REG1B: variants seen among roughly 807,000 people sequenced by gnomAD.
The protein encoded by REG1B is regenerating family member 1 beta, also known as lithostathine-1-beta.
REG1B carries 21 observed loss-of-function variants against 20.4 expected under a neutral mutation model. That is an observed-to-expected ratio of 1.03 (90% CI 0.73 to 1.48). REG1B has a LOEUF of 1.48. Among genes scored for constraint, REG1B ranks in the 40% most tolerant of loss-of-function variants. The probability of loss-of-function intolerance (pLI) is 0.00; values close to 1 mark genes in which losing one functional copy is unlikely to be tolerated. For missense variants in REG1B, 247 were observed against 197.2 expected (o/e 1.25, Z -1.51); for synonymous variants, 82 against 73.4 (o/e 1.12, Z -0.60).
In REG1B at chr2:79,087,536, G is replaced by A. The variant is rs1012338962; in HGVS notation, c.64+13C>T. ...AGAGTTGGGGTTGTGGGAAGTGTGG[G>A]GGAAAATCTCACCTTGGCTCAGAGA... is the stretch of plus-strand genomic sequence containing the variant. On this transcript the variant is annotated intron_variant, in intron 2 of 5. Transcript: ENST00000305089. 6.2e-7 allele frequency: 1 copy of A among 1,613,248 alleles called. No individual in the cohort carries two copies. The highest frequency in any genetic ancestry group is 1.3e-5 in the African/African-American group (1 of 74,850).
At chr2:79,085,452 A>G in intron 5 of REG1B, 40 bp downstream of exon 5, 4 of 1,521,174 alleles carry the variant, frequency 2.6e-6, no homozygotes, top group Non-Finnish European at 3.7e-6. Flanking sequence ...GATAAGTGGG[A>G]AGGAAATGGC....
intron 2 of REG1B, 83 bp from the exon 3 acceptor site, chr2:79,087,013 G>T: frequency 8.9e-7 from 1 of 1,123,030 alleles, no homozygotes; most frequent in Non-Finnish European, 1.4e-6. Flanking sequence ...GCTTCTTGGT[G>T]TCCTTTATAA....
In REG1B at chr2:79,085,246, C is replaced by T; in HGVS notation, c.471G>A (p.Lys157=). 1.9e-6 allele frequency: 3 copies of T among 1,613,484 alleles called. No homozygotes were observed. Among genetic ancestry groups the T allele is most frequent in the East Asian group, 2.2e-5 (1 of 44,866 alleles). ...KKWKDESCEK[K]FSFVCKFKN ...TTTTGAACTTGCAAACAAAGGAGAACTTCTTCTCACAAGATTCATCCTTCC... is the reference window on the plus strand; with the variant it reads ...TTTTGAACTTGCAAACAAAGGAGAATTTCTTCTCACAAGATTCATCCTTCC... Residue 157 remains lysine, a synonymous_variant, in exon 6 of 6, where the codon AAG becomes AAA. Transcript: ENST00000305089.
At chr2:79,087,349 G>A in intron 2 of REG1B, 200 bp downstream of exon 2, 2 of 611,302 alleles carry the variant, frequency 3.3e-6, no homozygotes, top group South Asian at 4.1e-5. Flanking sequence ...TCACCTATAA[G>A]TGGTCCTATT....
Position 79,087,572 on chromosome 2 carries a change from A to T in REG1B, c.41T>A (p.Leu14Gln), listed in dbSNP as rs751095254. 18 of 1,613,828 alleles carry T rather than the reference A, an allele frequency of 1.1e-5. No individual in the cohort carries two copies. In the African/African-American group the frequency reaches 1.3e-4, roughly 12 times the overall value. Residue 14 changes from leucine to glutamine, a missense_variant, in exon 2 of 6, where the codon CTG (leucine) becomes CAG (glutamine). Transcript: ENST00000305089. ...ACCTTGGCTCAGAGACAGGAACATC[A>T]GGGAGGAGATCAGCATGAAGAACGA... Reference protein sequence around the residue: ...TNSFFMLISSLMFLSLSQGQE... With the variant: ...TNSFFMLISSQMFLSLSQGQE...
intron 3 of REG1B, 149 bp from the exon 4 acceptor site, chr2:79,086,653 G>T: frequency 7.6e-7 from 1 of 1,311,292 alleles, no homozygotes; most frequent in Non-Finnish European, 1.1e-6. Flanking sequence ...TGCTGGGAAT[G>T]TGTCAAATGA....
At chr2:79,086,170 G>T (rs969685417) in intron 4 of REG1B, 197 bp downstream of exon 4, 17 of 575,162 alleles carry the variant, frequency 3.0e-5, no homozygotes, top group Non-Finnish European at 4.5e-5. Flanking sequence ...CCAGAGCCCA[G>T]AAAATTCAGC....
intron 4 of REG1B, 34 bp downstream of exon 4, chr2:79,086,333 G>A: frequency 9.3e-6 from 15 of 1,612,292 alleles, no homozygotes; most frequent in Non-Finnish European, 1.3e-5. Context: ...TCTCAAAAAT[G>A]TTTATAAGGA....
In REG1B at chr2:79,086,391, C is replaced by T. The variant is rs777845945; in HGVS notation, c.297G>A (p.Trp99Ter). 1.2e-6 allele frequency: 2 copies of T among 1,614,056 alleles called. No individual in the cohort carries two copies. The highest frequency in any genetic ancestry group is 2.2e-5 in the South Asian group (2 of 91,068). Residue 99 changes from tryptophan (W) to a stop codon, truncating the protein, a stop_gained, in exon 4 of 6, where the codon TGG becomes TGA. Transcript: ENST00000305089. LOFTEE classifies it high-confidence loss of function. Reference sequence around the variant, plus strand: ...CCTTTTTTGGGTCATGGAGGCCAATCCAGACATTGCTGTCATCAGTGCTAC... The same window carrying T: ...CCTTTTTTGGGTCATGGAGGCCAATTCAGACATTGCTGTCATCAGTGCTAC... ...KESSTDDSNV[W>*]IGLHDPKKNR... is the part of the protein sequence containing the mutation.
Position 79,085,297 on chromosome 2 carries a change from A to C in REG1B, c.434-14T>G, listed in dbSNP as rs1210569343. 6.3e-7 allele frequency: 1 copy of C among 1,587,638 alleles called. No homozygotes were observed. The highest frequency in any genetic ancestry group is 1.1e-5 in the South Asian group (1 of 90,542). On this transcript the variant is annotated splice_polypyrimidine_tract_variant and intron_variant, in intron 5 of 5. Coordinates refer to ENST00000305089, the MANE Select transcript of REG1B (RefSeq NM_006507.4). ...ATTTCTTGAATCCTATGGTACAATG[A>C]GAAGTGTCAGACATAGAGGATCAGA...
chr2:79,087,388 T>C, intron 2 of REG1B, 161 bp downstream of exon 2: 1 of 673,058 alleles, frequency 1.5e-6, no homozygotes, highest in Non-Finnish European at 2.6e-6. Context: ...ATGAATGAGG[T>C]GAGGGTGTTT....
rs267599468 is a variant in REG1B, at chr2:79,085,589, G to A, written c.336C>T (p.His112=). 3 of 1,612,714 alleles carry A rather than the reference G, an allele frequency of 1.9e-6. No individual in the cohort carries two copies. The highest frequency in any genetic ancestry group is 1.7e-6 in the Non-Finnish European group (2 of 1,179,364). Residue 112 remains histidine (H), a synonymous_variant, in exon 5 of 6, where the codon CAC becomes CAT. Transcript: ENST00000305089. ...LHDPKKNRRW[H]WSSGSLVSYK... ...AGGAGACCAGGGACCCACTACTCCA[G>A]TGCCAGCGGCGGTTCTAGATGGAGA... is the stretch of plus-strand genomic sequence containing the variant.
At position 79,086,420 on chromosome 2, in the gene REG1B, C is replaced by T. The variant is rs1672400207; in HGVS notation, c.268G>A (p.Glu90Lys). ...EGAFVASLIK[E>K]SSTDDSNVWI... ...ACATTGCTGTCATCAGTGCTACTCT[C>T]CTTAATCAGTGAGGCCACGAAGGCA... The change falls in exon 4 of 6, where the codon GAG becomes AAG. Residue 90 changes from glutamate (E) to lysine (K), a missense_variant. Physicochemically the swap from Glu to Lys is moderately conservative, Grantham distance 56. Coordinates refer to ENST00000305089, the MANE Select transcript of REG1B (RefSeq NM_006507.4). The T allele has an allele frequency of 6.2e-7, 1 of 1,614,000 alleles. No individual in the cohort carries two copies. The highest frequency in any genetic ancestry group is 8.5e-7 in the Non-Finnish European group (1 of 1,180,008).
Position 79,085,104 on chromosome 2 carries a change from A to G in REG1B, c.*112T>C. On this transcript the variant is annotated 3_prime_UTR_variant, in exon 6 of 6. Coordinates refer to ENST00000305089, the MANE Select transcript of REG1B (RefSeq NM_006507.4). Reference sequence around the variant, plus strand: ...TGAAGGTACTGAAGATCAGCGATGCAAACTCATTAGGGAGGAGATGGTCTG... The same window carrying G: ...TGAAGGTACTGAAGATCAGCGATGCGAACTCATTAGGGAGGAGATGGTCTG... 2 of 753,994 alleles carry G rather than the reference A, an allele frequency of 2.7e-6. No individual in the cohort carries two copies. Among genetic ancestry groups the G allele is most frequent in the Non-Finnish European group, 4.7e-6 (2 of 426,256 alleles). 46.7% of individuals were successfully genotyped at this position (753,994 alleles called of 1,614,324 possible). A position where few individuals can be genotyped will look rare whatever the true frequency, so the allele number is the denominator to read the frequency against.
rs975077712 is a variant in REG1B at position 79,087,987 on chromosome 2, G to C, written c.-75C>G. Reference sequence around the variant, plus strand: ...TTGGTAAGTGCCTTGTCCACTTGAGGTGGCTTGTCAGGTCAGACAGAGTAG... The same window carrying C: ...TTGGTAAGTGCCTTGTCCACTTGAGCTGGCTTGTCAGGTCAGACAGAGTAG... On this transcript the variant is annotated 5_prime_UTR_variant, in exon 1 of 6. Coordinates refer to ENST00000305089, the MANE Select transcript of REG1B (RefSeq NM_006507.4). 2.8e-5 allele frequency: 5 copies of C among 181,592 alleles called. No homozygotes were observed. Among genetic ancestry groups the C allele is most frequent in the Admixed American group, 5.4e-5 (1 of 18,444 alleles). 11.2% of individuals were successfully genotyped at this position (181,592 alleles called of 1,614,324 possible). A position where few individuals can be genotyped will look rare whatever the true frequency, so the allele number is the denominator to read the frequency against.
In REG1B at chr2:79,085,558, A is replaced by T; in HGVS notation, c.367T>A (p.Ser123Thr). Residue 123 changes from serine (S) to threonine (T), a missense_variant, in exon 5 of 6, where the codon TCC becomes ACC. Ser to Thr is a moderately conservative substitution (Grantham distance 58). Transcript: ENST00000305089. ...CTGCTCGGGGATCCAGTGTCCCAGG[A>T]CTTGTAGGAGACCAGGGACCCACTA... is the stretch of plus-strand genomic sequence containing the variant. ...WSSGSLVSYK[S>T]WDTGSPSSAN... 6.2e-7 allele frequency: 1 copy of T among 1,613,754 alleles called. No homozygotes were observed. The highest frequency in any genetic ancestry group is 8.5e-7 in the Non-Finnish European group (1 of 1,179,850).
chr2:79,086,647 G>A (rs1672404457), intron 3 of REG1B, 143 bp from the exon 4 acceptor site: 1 of 1,329,438 alleles, frequency 7.5e-7, no homozygotes, highest in Middle Eastern at 2.0e-4. Flanking sequence ...TCTCTGTGCT[G>A]GGAATGTGTC....
chr2:79,086,812 A>G lies in REG1B; in HGVS notation c.183T>C (p.Asp61=). The G allele has an allele frequency of 6.2e-7, 1 of 1,613,398 alleles. No individual in the cohort carries two copies. Among genetic ancestry groups the G allele is most frequent in the Non-Finnish European group, 8.5e-7 (1 of 1,179,398 alleles). ...NEDPETWVDA[D]LYCQNMNSGN... ...TTCCCCTGCTGCTCTCCTCACTCAC[A>G]TCTGCATCAACCCAGGTCTCAGGGT... The change falls in exon 3 of 6, where the codon GAT becomes GAC. Residue 61 remains aspartate (D), a splice_region_variant and synonymous_variant. Transcript: ENST00000305089.
intron 2 of REG1B, 33 bp from the exon 3 acceptor site, chr2:79,086,963 G>T (rs1051321140): frequency 1.9e-6 from 3 of 1,567,892 alleles, no homozygotes; most frequent in South Asian, 1.1e-5. Flanking sequence ...AATTAAGAAA[G>T]AATCGCAGGG....
Sources: allele counts gnomAD v4.1 joint callset, GRCh38; gene constraint gnomAD v4.1.1; transcripts MANE v1.5; gene names NCBI Gene and HGNC (gene_info 2026-07-23, HGNC 2026-07-21).